The following CAPZB variants were observed in gnomAD, a reference collection of about 807,000 sequenced individuals.
The protein encoded by CAPZB is F-actin-capping protein subunit beta.
In CAPZB, 2 loss-of-function variants were observed where a neutral mutation model predicts 38.1. That is an observed-to-expected ratio of 0.05 (90% CI 0.02 to 0.17). CAPZB has a LOEUF of 0.17. Among genes scored for constraint, CAPZB ranks in the 10% least tolerant of loss-of-function variants. The probability of loss-of-function intolerance (pLI) is 1.00; values close to 1 mark genes in which losing one functional copy is unlikely to be tolerated. For missense variants in CAPZB, 161 were observed against 334.2 expected (o/e 0.48, Z 4.04); for synonymous variants, 107 against 127.4 (o/e 0.84, Z 1.08).
At chr1:19,472,971 C>A (rs1215904378) in intron 1 of CAPZB, among the ~76,000 whole-genome samples, 1 of 152,130 alleles carries the variant, frequency 6.6e-6, no homozygotes, top group Non-Finnish European at 1.5e-5. Flanking sequence ...CCCGCCTCGG[C>A]CTCCCAAAGT....
rs962164353 is a variant in CAPZB, at chr1:19,359,302, C to G, written c.330-1739G>C. ...GTGAAAAATCAGTACACGAATACAC[C>G]GGAGTGTAATGTAACTAAGAGACCA... On this transcript the variant is annotated intron_variant, in intron 4 of 8. Transcript: ENST00000264202. Among the ~76,000 whole-genome samples the G allele has an allele frequency of 2.0e-5, 3 of 150,038 alleles. No individual in the cohort carries two copies. The Admixed American group carries it at 2.0e-4, about 10-fold the overall frequency.
intron 2 of CAPZB, among the ~76,000 whole-genome samples, chr1:19,395,500 T>C (rs2094262269): frequency 6.6e-6 from 1 of 152,202 alleles, no homozygotes; most frequent in East Asian, 1.9e-4. Flanking sequence ...TCTCACAGCC[T>C]GGAAGGGGCC....
chr1:19,347,085 C>T (rs536021715), intron 6 of CAPZB, among the ~76,000 whole-genome samples: 1 of 152,070 alleles, frequency 6.6e-6, no homozygotes. Context: ...AGGTGATCCA[C>T]CTGCCTCAGC....
chr1:19,405,382 C>T (rs1208499889), intron 2 of CAPZB, among the ~76,000 whole-genome samples: 2 of 151,964 alleles, frequency 1.3e-5, no homozygotes, highest in African/African-American at 2.4e-5. Context: ...TTAGATAAAA[C>T]GTGGAGATTT....
intron 1 of CAPZB, among the ~76,000 whole-genome samples, chr1:19,477,592 A>T (rs186604882): frequency 6.6e-6 from 1 of 152,330 alleles, no homozygotes; most frequent in African/African-American, 2.4e-5. Flanking sequence ...ATCAGGGTCA[A>T]AGCCTCACGA....
chr1:19,390,963 A>G (rs2094230687), intron 2 of CAPZB, among the ~76,000 whole-genome samples: 2 of 152,208 alleles, frequency 1.3e-5, no homozygotes, highest in African/African-American at 4.8e-5. Flanking sequence ...CCTTAGAGAA[A>G]TAACTTGACC....
chr1:19,453,841 G>A (rs1327542172), intron 1 of CAPZB, among the ~76,000 whole-genome samples: 2 of 152,326 alleles, frequency 1.3e-5, no homozygotes, highest in South Asian at 2.1e-4. Flanking sequence ...AGCCCTTGCT[G>A]GGGGCTAGGC....
intron 1 of CAPZB, among the ~76,000 whole-genome samples, chr1:19,454,856 G>T (rs2094528027): frequency 6.6e-6 from 1 of 152,232 alleles, no homozygotes; most frequent in African/African-American, 2.4e-5. Flanking sequence ...TCATCTAAAT[G>T]ATGTTTAAAA....
intron 1 of CAPZB, among the ~76,000 whole-genome samples, chr1:19,465,721 C>A (rs2094566656): frequency 6.6e-6 from 1 of 152,106 alleles, no homozygotes; most frequent in African/African-American, 2.4e-5. Context: ...TGTAGAAAAC[C>A]ATCTATCTCC....
At chr1:19,449,194 C>A in intron 1 of CAPZB, 2 of 1,196,612 alleles carry the variant, frequency 1.7e-6, no homozygotes, top group Non-Finnish European at 2.1e-6. Flanking sequence ...CTGAGCAGGC[C>A]TGAAAGGTCA....
At chr1:19,468,606 G>A (rs1040030185) in intron 1 of CAPZB, among the ~76,000 whole-genome samples, 4 of 152,168 alleles carry the variant, frequency 2.6e-5, no homozygotes, top group African/African-American at 7.2e-5. Context: ...GCAGGAGAGT[G>A]TACTGAAATA....
intron 1 of CAPZB, among the ~76,000 whole-genome samples, chr1:19,426,567 C>T (rs548626277): frequency 7.9e-5 from 12 of 152,298 alleles, no homozygotes; most frequent in African/African-American, 2.9e-4. Flanking sequence ...CGGCTTCTCC[C>T]TGCCTGCTAA....
At chr1:19,448,051 A>G (rs1177287124) in intron 1 of CAPZB, among the ~76,000 whole-genome samples, 13 of 152,192 alleles carry the variant, frequency 8.5e-5, no homozygotes, top group Admixed American at 8.5e-4. Context: ...GGAGCTCAGG[A>G]CACCTCTCAG....
At chr1:19,428,292 A>C (rs1292241248) in intron 1 of CAPZB, among the ~76,000 whole-genome samples, 2 of 152,164 alleles carry the variant, frequency 1.3e-5, no homozygotes, top group Non-Finnish European at 2.9e-5. Context: ...AATCCCAGCT[A>C]CACGGGAGGC....
At chr1:19,476,952 G>A (rs2094609041) in intron 1 of CAPZB, among the ~76,000 whole-genome samples, 1 of 152,212 alleles carries the variant, frequency 6.6e-6, no homozygotes, top group African/African-American at 2.4e-5. Flanking sequence ...TGAGTGCGGT[G>A]GACCTGGACC....
chr1:19,457,500 TA>T (rs145814287), intron 1 of CAPZB, among the ~76,000 whole-genome samples: 14 of 152,192 alleles, frequency 9.2e-5, no homozygotes, highest in Non-Finnish European at 1.5e-4. Flanking sequence ...CAAGCATATT[TA>T]AGCACATGGC....
intron 4 of CAPZB, among the ~76,000 whole-genome samples, chr1:19,366,293 TATATATATATATATATAA>T (rs1321448244): frequency 7.3e-5 from 5 of 68,920 alleles, no homozygotes; most frequent in African/African-American, 2.0e-4. Context: ...AATATATATA[TATATATATATATATATAA>T]ATAAAATAAA....
chr1:19,465,336 GCTGT>G (rs1423245759), intron 1 of CAPZB, among the ~76,000 whole-genome samples: 4 of 152,138 alleles, frequency 2.6e-5, no homozygotes. Context: ...CATGTGAGGC[GCTGT>G]CTATGATGCA....
chr1:19,358,830 G>A (rs1358547669), intron 4 of CAPZB, among the ~76,000 whole-genome samples: 1 of 152,214 alleles, frequency 6.6e-6, no homozygotes, highest in African/African-American at 2.4e-5. Context: ...CATTCTGGGA[G>A]CACCCTGCCC....
Sources: allele counts gnomAD v4.1 joint callset (sites outside exome capture counted in the v4.1 genomes callset), GRCh38; gene constraint gnomAD v4.1.1; transcripts MANE v1.5; gene names NCBI Gene and HGNC (gene_info 2026-07-23, HGNC 2026-07-21).